Variants in TOP2B observed in about 807,000 individuals in gnomAD.
The protein encoded by TOP2B is DNA topoisomerase II beta.
Under a neutral mutation model 193.5 loss-of-function variants are expected in TOP2B, and 51 were observed. The observed-to-expected ratio is 0.26, with a 90% CI of 0.21 to 0.33. The LOEUF (loss-of-function observed/expected upper bound fraction) is 0.33. TOP2B is among the 10% of genes least tolerant of loss of function. TOP2B has a pLI of 1.00. For synonymous variants in TOP2B, 634 were observed against 635.7 expected (o/e 1.00, Z 0.04); for missense variants, 1,378 against 1,909.3 (o/e 0.72, Z 5.19).
At chr3:25,662,023 T>A (rs568507951) in intron 1 of TOP2B, among the ~76,000 whole-genome samples, 1 of 152,284 alleles carries the variant, frequency 6.6e-6, no homozygotes, top group South Asian at 2.1e-4. Context: ...AAAGGAAAAA[T>A]TAATTTGCTT....
At chr3:25,613,826 T>C (rs191447594) in intron 27 of TOP2B, among the ~76,000 whole-genome samples, 6 of 151,964 alleles carry the variant, frequency 3.9e-5, no homozygotes, top group African/African-American at 1.4e-4. Flanking sequence ...ATGAGGAAAG[T>C]GGGTGTCTGA....
chr3:25,645,260 T>C (rs771143598), intron 2 of TOP2B, 40 bp downstream of exon 2: 2 of 1,459,750 alleles, frequency 1.4e-6, no homozygotes, highest in South Asian at 1.5e-5. Context: ...TAAATATAGA[T>C]GCACATCTCC....
At chr3:25,610,662 A>G (rs1347722919) in intron 28 of TOP2B, among the ~76,000 whole-genome samples, 1 of 152,250 alleles carries the variant, frequency 6.6e-6, no homozygotes, top group African/African-American at 2.4e-5. Flanking sequence ...CTGTATACCA[A>G]GAATTTGTGC....
chr3:25,637,195 TAG>T lies in TOP2B; in HGVS notation c.639+18_639+19del, dbSNP rs1450453491. 1 of 1,507,848 alleles carries T rather than the reference TAG, an allele frequency of 6.6e-7. No homozygotes were observed. The highest frequency in any genetic ancestry group is 9.0e-7 in the Non-Finnish European group (1 of 1,109,650). 93.4% of individuals were successfully genotyped at this position (1,507,848 alleles called of 1,614,324 possible). ...TAAAACGTTATTTTAAAAAAAGAAA[TAG>T]ATGTGTTTCTAGCATACCTGCTTAA... On this transcript the variant is annotated intron_variant, in intron 6 of 35. Coordinates refer to ENST00000264331, the MANE Select transcript of TOP2B (RefSeq NM_001330700.2).
intron 1 of TOP2B, among the ~76,000 whole-genome samples, chr3:25,650,760 T>C (rs1361364807): frequency 6.6e-6 from 1 of 152,236 alleles, no homozygotes; most frequent in Non-Finnish European, 1.5e-5. Flanking sequence ...TGCTGCAGGC[T>C]TCATCTTTAA....
chr3:25,598,598 A>ATT (rs1325240764), intron 35 of TOP2B, 121 bp from the exon 36 acceptor site: 7 of 734,056 alleles, frequency 9.5e-6, no homozygotes, highest in East Asian at 3.1e-5. Context: ...TGCTTTTAAA[A>ATT]TTAGAATCAT....
intron 35 of TOP2B, among the ~76,000 whole-genome samples, chr3:25,598,936 G>A (rs969561028): frequency 2.0e-5 from 3 of 152,142 alleles, no homozygotes; most frequent in Admixed American, 6.5e-5. Flanking sequence ...ATGACTGAAT[G>A]GAAGAGGTCA....
rs1215593958 is a variant in TOP2B at position 25,624,417 on chromosome 3, A to C, written c.2375T>G (p.Leu792Trp). The change falls in exon 20 of 36, where the codon TTG (leucine) becomes TGG (tryptophan). Residue 792 changes from leucine (L) to tryptophan (W), a missense_variant. Transcript: ENST00000264331. ...GTTACTTCCCACAAAGTTCTGAGCC[A>C]AATTCACAATAGTCATCATCAATGC... ...EQALMMTIVN[L>W]AQNFVGSNNI... 1.2e-6 allele frequency: 2 copies of C among 1,613,940 alleles called. No individual in the cohort carries two copies. Among genetic ancestry groups the C allele is most frequent in the Non-Finnish European group, 1.7e-6 (2 of 1,179,834 alleles).
intron 1 of TOP2B, among the ~76,000 whole-genome samples, chr3:25,659,445 T>C (rs1703845575): frequency 6.6e-6 from 1 of 152,254 alleles, no homozygotes; most frequent in South Asian, 2.1e-4. Flanking sequence ...AGAATGTATG[T>C]GTGAACCCAT....
intron 1 of TOP2B, among the ~76,000 whole-genome samples, chr3:25,658,124 A>C (rs1257095070): frequency 6.7e-6 from 1 of 150,262 alleles, no homozygotes; most frequent in African/African-American, 2.4e-5. Context: ...GCTACTCAGG[A>C]GGCTGAGGCA....
chr3:25,648,629 G>A (rs1488063646), intron 1 of TOP2B, among the ~76,000 whole-genome samples: 1 of 152,048 alleles, frequency 6.6e-6, no homozygotes, highest in Non-Finnish European at 1.5e-5. Context: ...GGCTGAGGCA[G>A]GCAGATCCCT....
chr3:25,604,896 G>C (rs1273616755), intron 32 of TOP2B, 26 bp from the exon 33 acceptor site: 1 of 1,524,870 alleles, frequency 6.6e-7, no homozygotes, highest in Non-Finnish European at 9.1e-7. Flanking sequence ...CCTTCTTTTA[G>C]TAAAGAGATG....
chr3:25,618,283 G>A, intron 25 of TOP2B, 135 bp downstream of exon 25: 1 of 640,236 alleles, frequency 1.6e-6, no homozygotes, highest in Non-Finnish European at 2.7e-6. Context: ...TGGATAAACA[G>A]AAGACTTTAG....
Position 25,598,223 on chromosome 3 carries a change from G to A in TOP2B, c.*84C>T. 1 of 1,377,248 alleles carries A rather than the reference G, an allele frequency of 7.3e-7. No homozygotes were observed. Among genetic ancestry groups the A allele is most frequent in the Non-Finnish European group, 9.9e-7 (1 of 1,014,932 alleles). 85.3% of individuals were successfully genotyped at this position (1,377,248 alleles called of 1,614,324 possible). A position where few individuals can be genotyped will look rare whatever the true frequency, so the allele number is the denominator to read the frequency against. On this transcript the variant is annotated 3_prime_UTR_variant, in exon 36 of 36. Coordinates refer to ENST00000264331, the MANE Select transcript of TOP2B (RefSeq NM_001330700.2). ...CAATTACATCATCACATTAAAATAA[G>A]CCAGATGTACAAAAGTCTGAGACAG...
At chr3:25,598,950 T>A (rs1310537477) in intron 35 of TOP2B, among the ~76,000 whole-genome samples, 1 of 152,156 alleles carries the variant, frequency 6.6e-6, no homozygotes, top group African/African-American at 2.4e-5. Flanking sequence ...GAGGTCAATG[T>A]GGAAATCAAC....
At chr3:25,650,428 G>C (rs1169266339) in intron 1 of TOP2B, among the ~76,000 whole-genome samples, 1 of 152,178 alleles carries the variant, frequency 6.6e-6, no homozygotes, top group Non-Finnish European at 1.5e-5. Context: ...ATTGTGCTTT[G>C]TCTTCAGGAT....
At chr3:25,626,504 T>C in intron 18 of TOP2B, 56 bp downstream of exon 18, 1 of 1,011,332 alleles carries the variant, frequency 9.9e-7, no homozygotes, top group Non-Finnish European at 1.4e-6. Flanking sequence ...TTAAAGTACA[T>C]GAAATTAAAC....
Position 25,632,536 on chromosome 3 carries a change from T to C in TOP2B, c.1176A>G (p.Pro392=), listed in dbSNP as rs1182857341. Residue 392 remains proline (P), a synonymous_variant, in exon 10 of 36, where the codon CCA becomes CCG. Coordinates refer to ENST00000264331, the MANE Select transcript of TOP2B (RefSeq NM_001330700.2). ...TTTCCTTAGTCTGAGAATCAAAAGT[T>C]GGATTTTCAATAAGGCAATTAATAA... The part of the protein sequence containing the change: ...WVFINCLIEN[P]TFDSQTKENM... The C allele has an allele frequency of 1.3e-6, 2 of 1,590,804 alleles. No homozygotes were observed. Among genetic ancestry groups the C allele is most frequent in the South Asian group, 1.2e-5 (1 of 86,096 alleles).
intron 8 of TOP2B, 134 bp from the exon 9 acceptor site, chr3:25,632,928 A>C (rs1703001530): frequency 1.3e-6 from 1 of 773,832 alleles, no homozygotes; most frequent in South Asian, 2.2e-5. Context: ...TTAAAAAAAT[A>C]AGACATTTTG....
Sources: gnomAD v4.1 joint callset for allele counts (sites outside exome capture counted in the v4.1 genomes callset) on GRCh38, gnomAD v4.1.1 for gene constraint, MANE v1.5 for transcripts, NCBI Gene and HGNC (gene_info 2026-07-23, HGNC 2026-07-21) for gene names.